Variants in SNX29 observed in about 807,000 individuals in gnomAD.
The protein encoded by SNX29 is sorting nexin 29.
SNX29 carries 78 observed loss-of-function variants against 102.1 expected under a neutral mutation model. The ratio of observed to expected loss-of-function variants is 0.76; its 90% confidence interval spans 0.64 to 0.92. The LOEUF (loss-of-function observed/expected upper bound fraction) is 0.92, where lower values mean the gene tolerates loss of function less well. Ranked by LOEUF, SNX29 falls within the 40% of genes least tolerant of loss-of-function variation. The probability of loss-of-function intolerance (pLI) is 0.00; values close to 1 mark genes in which losing one functional copy is unlikely to be tolerated. For synonymous variants in SNX29, 580 were observed against 414.5 expected (o/e 1.40, Z -4.85); for missense variants, 1,280 against 1,061.7 (o/e 1.21, Z -2.86).
At chr16:12,362,341 G>C (rs558557978) in intron 16 of SNX29, among the ~76,000 whole-genome samples, 1 of 152,328 alleles carries the variant, frequency 6.6e-6, no homozygotes, top group African/African-American at 2.4e-5. Flanking sequence ...TGAAAACCCA[G>C]AGATCTTGCC....
chr16:11,989,162 G>A (rs995025760), intron 1 of SNX29, among the ~76,000 whole-genome samples: 5 of 152,064 alleles, frequency 3.3e-5, no homozygotes, highest in South Asian at 2.1e-4. Flanking sequence ...CGGTAGAAAC[G>A]GGGTTTCACC....
chr16:12,445,617 C>A (rs1052932917), intron 18 of SNX29, among the ~76,000 whole-genome samples: 4 of 152,172 alleles, frequency 2.6e-5, no homozygotes, highest in Non-Finnish European at 5.9e-5. Context: ...TTCCCAGGTC[C>A]ACCTAAGCTA....
At chr16:12,459,175 C>T (rs934574088) in intron 18 of SNX29, among the ~76,000 whole-genome samples, 1 of 145,898 alleles carries the variant, frequency 6.9e-6, no homozygotes, top group Non-Finnish European at 1.5e-5. Flanking sequence ...CCCCTATCCT[C>T]CTACCCGCCT....
At chr16:11,993,091 G>A (rs1596543177) in intron 1 of SNX29, among the ~76,000 whole-genome samples, 1 of 152,082 alleles carries the variant, frequency 6.6e-6, no homozygotes, top group Non-Finnish European at 1.5e-5. Context: ...CTTGAACATG[G>A]GAGGTGGAGG....
At chr16:12,390,648 C>A (rs955658175) in intron 16 of SNX29, among the ~76,000 whole-genome samples, 1 of 152,178 alleles carries the variant, frequency 6.6e-6, no homozygotes, top group Admixed American at 6.5e-5. Context: ...CCCAAAACCA[C>A]CATGCCCTCA....
chr16:12,325,426 G>T (rs184813089), intron 15 of SNX29, among the ~76,000 whole-genome samples: 1 of 152,238 alleles, frequency 6.6e-6, no homozygotes, highest in Admixed American at 6.5e-5. Flanking sequence ...TTGTGATTCC[G>T]ACTGTTAGGG....
chr16:12,264,592 G>A (rs901833103), intron 14 of SNX29, among the ~76,000 whole-genome samples: 2 of 152,174 alleles, frequency 1.3e-5, no homozygotes, highest in African/African-American at 2.4e-5. Context: ...GACGAGCCTG[G>A]CTAACAAGGT....
chr16:12,570,330 T>A lies in SNX29; in HGVS notation c.*1701T>A, dbSNP rs1397927820. The A allele has an allele frequency of 5.8e-6, 5 of 858,536 alleles. No homozygotes were observed. In the East Asian group the frequency reaches 2.6e-4, roughly 45 times the overall value. The allele number at this position is 858,536 out of a possible 1,614,324, so 53.2% of individuals were successfully genotyped here. A position where few individuals can be genotyped will look rare whatever the true frequency, so the allele number is the denominator to read the frequency against. ...GAGACATCCTGTAAAGGCAACTTGG[T>A]CTCCCTCCCACTCACCTGCCAACAT... On this transcript the variant is annotated 3_prime_UTR_variant, in exon 21 of 21. Coordinates refer to ENST00000566228, the MANE Select transcript of SNX29 (RefSeq NM_032167.5).
At position 12,571,546 on chromosome 16, in the gene SNX29, G is replaced by A. The variant is rs1381365471; in HGVS notation, c.*2917G>A. The stretch of plus-strand genomic sequence containing the variant: ...TCCTGGGACCACCCTTTGCTGGGAG[G>A]AAGAATCCACACCGAATCCTTCTGT... On this transcript the variant is annotated 3_prime_UTR_variant, in exon 21 of 21. Transcript: ENST00000566228. The A allele has an allele frequency of 2.1e-6, 2 of 957,710 alleles. No homozygotes were observed. Among genetic ancestry groups the A allele is most frequent in the African/African-American group, 1.7e-5 (1 of 58,782 alleles). 59.3% of individuals were successfully genotyped at this position (957,710 alleles called of 1,614,324 possible). A position where few individuals can be genotyped will look rare whatever the true frequency, so the allele number is the denominator to read the frequency against.
Position 12,563,576 on chromosome 16 carries a change from G to A in SNX29, c.2319-4930G>A, listed in dbSNP as rs147916663. Among the ~76,000 whole-genome samples the A allele has an allele frequency of 1.6e-4, 24 of 150,994 alleles. No individual in the cohort carries two copies. In the East Asian group the frequency reaches 2.5e-3, roughly 16 times the overall value. ...AGGGGTCTACCCCACCCCTTTGGGT[G>A]GTGGCTTAGGCCTCCATGTCTGTAT... is the stretch of plus-strand genomic sequence containing the variant. On this transcript the variant is annotated intron_variant, in intron 20 of 20. Coordinates refer to ENST00000566228, the MANE Select transcript of SNX29 (RefSeq NM_032167.5).
At chr16:12,400,447 C>T (rs1357824455) in intron 17 of SNX29, among the ~76,000 whole-genome samples, 1 of 152,316 alleles carries the variant, frequency 6.6e-6, no homozygotes, top group East Asian at 1.9e-4. Flanking sequence ...TGAAATTGAG[C>T]CGGGTTTCAA....
intron 13 of SNX29, among the ~76,000 whole-genome samples, chr16:12,143,688 C>A (rs1326363484): frequency 6.6e-6 from 1 of 152,180 alleles, no homozygotes; most frequent in East Asian, 1.9e-4. Flanking sequence ...CTGTTGGTTT[C>A]ATGGAAGTAA....
intron 1 of SNX29, among the ~76,000 whole-genome samples, chr16:11,985,192 G>A (rs1260097996): frequency 6.6e-6 from 1 of 152,014 alleles, no homozygotes; most frequent in Non-Finnish European, 1.5e-5. Flanking sequence ...GTAAGAATAA[G>A]GGCTCTGGTG....
At chr16:12,538,934 C>T (rs1013140303) in intron 20 of SNX29, among the ~76,000 whole-genome samples, 5 of 152,002 alleles carry the variant, frequency 3.3e-5, no homozygotes, top group Non-Finnish European at 5.9e-5. Flanking sequence ...TGGCTGTGGG[C>T]ATGTAGCAGT....
At chr16:12,455,866 C>G (rs2086515823) in intron 18 of SNX29, among the ~76,000 whole-genome samples, 1 of 152,122 alleles carries the variant, frequency 6.6e-6, no homozygotes, top group African/African-American at 2.4e-5. Flanking sequence ...TTGTTTCCTT[C>G]TCTTCCTTCC....
At chr16:12,562,329 G>A (rs4780447) in intron 20 of SNX29, among the ~76,000 whole-genome samples, 2 of 152,062 alleles carry the variant, frequency 1.3e-5, no homozygotes, top group South Asian at 2.1e-4. Flanking sequence ...GAACCTGCAG[G>A]GCAGATTCTG....
In SNX29 at chr16:12,126,630, T is replaced by A. The variant is rs1440278846; in HGVS notation, c.1403-3T>A. On this transcript the variant is annotated splice_polypyrimidine_tract_variant and splice_region_variant and intron_variant, in intron 11 of 20. Transcript: ENST00000566228. ...TAATCTTGACTTTGTTTTCTTCCCT[T>A]AGGTGAACTGCGCCAGGCCACTGTG... 5 of 1,613,826 alleles carry A rather than the reference T, an allele frequency of 3.1e-6. No individual in the cohort carries two copies. The highest frequency in any genetic ancestry group is 4.2e-6 in the Non-Finnish European group (5 of 1,179,878).
chr16:12,519,193 A>C (rs1163811595), intron 19 of SNX29, among the ~76,000 whole-genome samples: 3 of 152,252 alleles, frequency 2.0e-5, no homozygotes, highest in African/African-American at 7.2e-5. Context: ...AACATTGCTC[A>C]GGCCATACAA....
In SNX29 at chr16:12,207,773, C is replaced by T. The variant is rs191850223; in HGVS notation, c.1678+8090C>T. Among the ~76,000 whole-genome samples the T allele has an allele frequency of 6.0e-4, 91 of 152,212 alleles. 3 individuals carry two copies. In the South Asian group the frequency reaches 0.017, roughly 29 times the overall value. On this transcript the variant is annotated intron_variant, in intron 14 of 20. Transcript: ENST00000566228. ...ACTTGGATCTTTCAGTTTCCTAAAC[C>T]CCTGTGGTGCTTGCTACGAGCAGTA... is the stretch of plus-strand genomic sequence containing the variant.
Sources: gnomAD v4.1 joint callset for allele counts (sites outside exome capture counted in the v4.1 genomes callset) on GRCh38, gnomAD v4.1.1 for gene constraint, MANE v1.5 for transcripts, NCBI Gene and HGNC (gene_info 2026-07-23, HGNC 2026-07-21) for gene names.